The following PEPD variants were observed in gnomAD, a reference collection of about 807,000 sequenced individuals.
The protein encoded by PEPD is peptidase D.
A neutral mutation model predicts 60.7 loss-of-function variants in PEPD; 53 were observed. That is an observed-to-expected ratio of 0.87 (90% CI 0.70 to 1.10). The LOEUF (loss-of-function observed/expected upper bound fraction) is 1.10, where lower values mean the gene tolerates loss of function less well. Among genes scored for constraint, PEPD ranks in the 50% least tolerant of loss-of-function variants. The pLI is 0.00. For synonymous variants in PEPD, 267 were observed against 284.1 expected (o/e 0.94, Z 0.60); for missense variants, 711 against 711.9 (o/e 1.00, Z 0.01).
intron 9 of PEPD, among the ~76,000 whole-genome samples, chr19:33,417,960 C>T (rs1968925905): frequency 6.6e-6 from 1 of 152,234 alleles, no homozygotes; most frequent in Non-Finnish European, 1.5e-5. Flanking sequence ...GGTGTGTCCT[C>T]TGCACCAGCT....
At chr19:33,518,997 G>A (rs1275443398) in intron 1 of PEPD, among the ~76,000 whole-genome samples, 1 of 152,176 alleles carries the variant, frequency 6.6e-6, no homozygotes, top group African/African-American at 2.4e-5. Context: ...AGTGTGCAAG[G>A]GAAGAAGGGA....
intron 9 of PEPD, among the ~76,000 whole-genome samples, chr19:33,417,353 A>C (rs1968912169): frequency 6.6e-6 from 1 of 152,224 alleles, no homozygotes; most frequent in Admixed American, 6.5e-5. Context: ...AGCTGGGCAG[A>C]GGGCTTAGGA....
At chr19:33,393,562 CAAA>C (rs1968288606) in intron 12 of PEPD, among the ~76,000 whole-genome samples, 13 of 149,968 alleles carry the variant, frequency 8.7e-5, no homozygotes, top group Middle Eastern at 3.4e-3. Context: ...GTCAAACAAA[CAAA>C]CAGCCACAAG....
intron 12 of PEPD, among the ~76,000 whole-genome samples, chr19:33,396,851 G>A (rs997794837): frequency 1.3e-5 from 2 of 152,116 alleles, no homozygotes; most frequent in Admixed American, 6.5e-5. Context: ...CTGAGCCCGC[G>A]GGACAGGGAC....
At chr19:33,472,282 T>G (rs527731002) in intron 7 of PEPD, among the ~76,000 whole-genome samples, 1 of 152,128 alleles carries the variant, frequency 6.6e-6, no homozygotes, top group South Asian at 2.1e-4. Flanking sequence ...GAGCCATGAT[T>G]ACAACACTGC....
intron 3 of PEPD, among the ~76,000 whole-genome samples, chr19:33,501,359 A>T (rs1178868868): frequency 6.6e-6 from 1 of 152,130 alleles, no homozygotes; most frequent in Non-Finnish European, 1.5e-5. Context: ...GTGGCATAAA[A>T]CAATCTGCCT....
At chr19:33,461,832 C>A (rs1969931379) in intron 9 of PEPD, among the ~76,000 whole-genome samples, 2 of 152,186 alleles carry the variant, frequency 1.3e-5, no homozygotes, top group African/African-American at 2.4e-5. Flanking sequence ...CCCTTCTCAG[C>A]CTCCCCGGCT....
intron 12 of PEPD, among the ~76,000 whole-genome samples, chr19:33,392,200 T>A (rs1381119609): frequency 6.6e-6 from 1 of 152,114 alleles, no homozygotes; most frequent in African/African-American, 2.4e-5. Context: ...CTCTGCCGCA[T>A]GTTTGTGGGG....
intron 6 of PEPD, among the ~76,000 whole-genome samples, chr19:33,481,721 A>G (rs1782121947): frequency 6.6e-6 from 1 of 151,982 alleles, no homozygotes; most frequent in Admixed American, 6.6e-5. Context: ...ATTAACACCA[A>G]TCTTCATAAA....
intron 7 of PEPD, among the ~76,000 whole-genome samples, chr19:33,475,326 C>T (rs1219851995): frequency 6.6e-6 from 1 of 151,942 alleles, no homozygotes; most frequent in South Asian, 2.1e-4. Context: ...AAAGCCCACC[C>T]ATTCCTGTTA....
intron 9 of PEPD, among the ~76,000 whole-genome samples, chr19:33,445,361 C>T (rs1444565737): frequency 6.6e-6 from 1 of 152,210 alleles, no homozygotes; most frequent in Non-Finnish European, 1.5e-5. Context: ...TACATCAAAG[C>T]CCCAATTTAC....
chr19:33,511,195 T>G (rs749071044), intron 2 of PEPD, 40 bp from the exon 3 acceptor site: 26 of 1,612,246 alleles, frequency 1.6e-5, no homozygotes, highest in Non-Finnish European at 2.0e-5. Context: ...CAGTGGAACA[T>G]GAGGTGCAAG....
At chr19:33,402,375 C>A (rs1457121414) in intron 11 of PEPD, among the ~76,000 whole-genome samples, 1 of 152,074 alleles carries the variant, frequency 6.6e-6, no homozygotes, top group Non-Finnish European at 1.5e-5. Flanking sequence ...GGGCAGGGAC[C>A]CCGGATGGGA....
chr19:33,501,687 AATT>A (rs1447746196), intron 3 of PEPD, among the ~76,000 whole-genome samples: 1 of 151,384 alleles, frequency 6.6e-6, no homozygotes, highest in African/African-American at 2.4e-5. Flanking sequence ...AAATAATAAT[AATT>A]ATTATTATTA....
At chr19:33,419,958 G>T (rs1341647023) in intron 9 of PEPD, among the ~76,000 whole-genome samples, 1 of 152,228 alleles carries the variant, frequency 6.6e-6, no homozygotes, top group Non-Finnish European at 1.5e-5. Flanking sequence ...GCAGGAGGAA[G>T]AGACACAACA....
chr19:33,455,407 A>G (rs1370158935), intron 9 of PEPD, among the ~76,000 whole-genome samples: 1 of 152,094 alleles, frequency 6.6e-6, no homozygotes, highest in African/African-American at 2.4e-5. Flanking sequence ...CTTTCCTGAT[A>G]AAATCTAGTA....
At chr19:33,517,530 G>A (rs1171273622) in intron 1 of PEPD, among the ~76,000 whole-genome samples, 1 of 151,782 alleles carries the variant, frequency 6.6e-6, no homozygotes, top group Non-Finnish European at 1.5e-5. Context: ...CCGCACTCCA[G>A]CCTGGGTGAA....
chr19:33,411,562 G>A (rs1968773744), intron 11 of PEPD, 110 bp downstream of exon 11: 1 of 720,630 alleles, frequency 1.4e-6, no homozygotes, highest in Admixed American at 2.0e-5. Flanking sequence ...GACTTGCTGT[G>A]GTCAGCCCTC....
Position 33,423,878 on chromosome 19 carries a change from T to G in PEPD, c.672-10235A>C, listed in dbSNP as rs1001898074. ...TTTAAGAAGTCGTTCCCTACCCCTA[T>G]GATTATATAAACTCTATCATCTTTT... On this transcript the variant is annotated intron_variant, in intron 9 of 14. Coordinates refer to ENST00000244137, the MANE Select transcript of PEPD (RefSeq NM_000285.4). Among the ~76,000 whole-genome samples, 7 of 152,376 alleles carry G rather than the reference T, an allele frequency of 4.6e-5. 1 individual carries two copies. The highest frequency in any genetic ancestry group is 6.5e-5 in the Admixed American group (1 of 15,312).
Sources: allele counts gnomAD v4.1 joint callset (sites outside exome capture counted in the v4.1 genomes callset), GRCh38; gene constraint gnomAD v4.1.1; transcripts MANE v1.5; gene names NCBI Gene and HGNC (gene_info 2026-07-23, HGNC 2026-07-21).